The following PKD1 variants were observed in gnomAD, a reference collection of about 807,000 sequenced individuals.
PKD1 encodes polycystin-1.
A neutral mutation model predicts 361.7 loss-of-function variants in PKD1; 81 were observed. That is an observed-to-expected ratio of 0.22 (90% CI 0.19 to 0.27). PKD1 has a LOEUF of 0.27. Among genes scored for constraint, PKD1 ranks in the 10% least tolerant of loss-of-function variants. The probability of loss-of-function intolerance (pLI) is 1.00; values close to 1 mark genes in which losing one functional copy is unlikely to be tolerated. For synonymous variants in PKD1, 3,615 were observed against 2,818.3 expected, an observed-to-expected ratio of 1.28 and a Z score of -8.95; for missense variants, 6,399 against 6,118.3, an observed-to-expected ratio of 1.05 and a Z score of -1.53.
intron 38 of PKD1, 111 bp downstream of exon 38, chr16:2,092,842 GT>G: frequency 1.5e-6 from 2 of 1,350,362 alleles, no homozygotes; most frequent in Non-Finnish European, 1.1e-6. Context: ...CCTACCTCCA[GT>G]TCTAGCAGCC....
Position 2,089,045 on chromosome 16 carries a change from G to A in PKD1, c.*682C>T. The A allele has an allele frequency of 5.1e-6, 1 of 195,304 alleles. No homozygotes were observed. Among genetic ancestry groups the A allele is most frequent in the African/African-American group, 2.3e-5 (1 of 42,790 alleles). The allele number at this position is 195,304 out of a possible 1,614,324, so 12.1% of individuals were successfully genotyped here. On this transcript the variant is annotated 3_prime_UTR_variant, in exon 46 of 46. Transcript: ENST00000262304. Reference sequence around the variant, plus strand: ...CGCTGCTCTCTTGCTACCTGGCCTGGGGCAAGGGAGGATGACAAGGCCTCT... The same window carrying A: ...CGCTGCTCTCTTGCTACCTGGCCTGAGGCAAGGGAGGATGACAAGGCCTCT...
intron 1 of PKD1, chr16:2,123,646 C>T (rs1162156980): frequency 4.8e-6 from 2 of 418,324 alleles, no homozygotes; most frequent in African/African-American, 4.0e-5. Context: ...CGTTCTGGTT[C>T]CCTGCAAGGA....
rs377466280 is a variant in PKD1 at position 2,110,881 on chromosome 16, G to A, written c.4286C>T (p.Pro1429Leu). 3 of 1,611,736 alleles carry A rather than the reference G, an allele frequency of 1.9e-6. No homozygotes were observed. Among genetic ancestry groups the A allele is most frequent in the South Asian group, 2.2e-5 (2 of 91,034 alleles). Residue 1429 changes from proline to leucine, a missense_variant, in exon 15 of 46, where the codon CCT (proline) becomes CTT (leucine). By Grantham distance (98) the Pro-to-Leu change is moderately conservative. Coordinates refer to ENST00000262304, the MANE Select transcript of PKD1 (RefSeq NM_001009944.3). ...GTCTCGGTAGATGAACGTCACCTCA[G>A]GGCCCCTGGCACGGGTGGGGGCGGC... ...EEAAPTRARG[P>L]EVTFIYRDPG...
chr16:2,092,002 T>C (rs1596482338), intron 40 of PKD1, 45 bp downstream of exon 40: 26 of 1,612,380 alleles, frequency 1.6e-5, no homozygotes, highest in Admixed American at 5.0e-5. Flanking sequence ...GGAGAACTAC[T>C]CCCTTGTCCT....
In PKD1 at chr16:2,103,250, C is replaced by A; in HGVS notation, c.8791+16G>T. 6.2e-7 allele frequency: 1 copy of A among 1,609,068 alleles called. No individual in the cohort carries two copies. Among genetic ancestry groups the A allele is most frequent in the African/African-American group, 1.3e-5 (1 of 74,968 alleles). ...CAAGGCCAGGGGGCCGCGTGTGCCC[C>A]ACCCGCTGCACGCACCGTCCAGCAG... On this transcript the variant is annotated intron_variant, in intron 23 of 45. Transcript: ENST00000262304.
chr16:2,101,929 A>G (rs2151747678), intron 26 of PKD1, 132 bp downstream of exon 26: 1 of 681,968 alleles, frequency 1.5e-6, no homozygotes, highest in East Asian at 2.7e-5. Flanking sequence ...CAGGATGAAC[A>G]CACGAGCCCT....
At position 2,117,582 on chromosome 16, in the gene PKD1, T is replaced by C; in HGVS notation, c.1292A>G (p.Gln431Arg). 1 of 1,608,936 alleles carries C rather than the reference T, an allele frequency of 6.2e-7. No individual in the cohort carries two copies. Among genetic ancestry groups the C allele is most frequent in the African/African-American group, 1.3e-5 (1 of 74,934 alleles). The change falls in exon 6 of 46, where the codon CAG (glutamine) becomes CGG (arginine). Residue 431 changes from glutamine to arginine, a missense_variant. By Grantham distance (43) the Gln-to-Arg change is conservative (BLOSUM62 1). Transcript: ENST00000262304. ...CCAGGCCTGACACTGCTCCTGCGCC[T>C]GCAGCCAGGCCGCCTTCTCCACCAC... ...RLVVEKAAWL[Q>R]AQEQCQAWAG...
rs759839267 is a variant in PKD1, at chr16:2,103,756, G to A, written c.8301C>T (p.Arg2767=). The A allele has an allele frequency of 8.7e-6, 14 of 1,609,864 alleles. No individual in the cohort carries two copies. Among genetic ancestry groups the A allele is most frequent in the Admixed American group, 5.0e-5 (3 of 59,968 alleles). Residue 2767 remains arginine (R), a synonymous_variant, in exon 23 of 46, where the codon CGC becomes CGT. Transcript: ENST00000262304. ...GCGTCAGGGGCTCCTCGTTGAGCACGCGGGAGCGCATGAGGATGCGCATGA... is the reference window on the plus strand; with the variant it reads ...GCGTCAGGGGCTCCTCGTTGAGCACACGGGAGCGCATGAGGATGCGCATGA... ...SALMRILMRS[R]VLNEEPLTLA...
At chr16:2,133,101 A>C (rs948644966) in intron 1 of PKD1, 22 of 150,428 alleles carry the variant, frequency 1.5e-4, no homozygotes, top group African/African-American at 4.2e-4. Context: ...AAAAAAAAAA[A>C]AAAACACATG....
rs1005759200 is a variant in PKD1, at chr16:2,116,459, G to A, written c.1722+70C>T. 4.5e-5 allele frequency: 38 copies of A among 850,650 alleles called. No individual in the cohort carries two copies. In the African/African-American group the frequency reaches 4.9e-4, roughly 11 times the overall value. 52.7% of individuals were successfully genotyped at this position (850,650 alleles called of 1,614,324 possible). A position where few individuals can be genotyped will look rare whatever the true frequency, so the allele number is the denominator to read the frequency against. ...CCCAAGTTTTTTGGCGAGACCCACA[G>A]TGGGCAGGGCAGGCAAGGCCTCCAG... is the stretch of plus-strand genomic sequence containing the variant. On this transcript the variant is annotated intron_variant, in intron 8 of 45. Coordinates refer to ENST00000262304, the MANE Select transcript of PKD1 (RefSeq NM_001009944.3).
At position 2,102,652 on chromosome 16, in the gene PKD1, G is replaced by C; in HGVS notation, c.8949-19C>G. 6.2e-7 allele frequency: 1 copy of C among 1,610,772 alleles called. No individual in the cohort carries two copies. Among genetic ancestry groups the C allele is most frequent in the Non-Finnish European group, 8.5e-7 (1 of 1,179,766 alleles). On this transcript the variant is annotated intron_variant, in intron 24 of 45. Coordinates refer to ENST00000262304, the MANE Select transcript of PKD1 (RefSeq NM_001009944.3). ...TCTGCTCCTGGGCAGGGAAGGGGTA[G>C]CGGACGTGAGCCCAGGCTCCGCCAG...
In PKD1 at chr16:2,088,881, G is replaced by GCACGCGCA; in HGVS notation, c.*845_*846insTGCGCGTG. 1 of 420,700 alleles carries GCACGCGCA rather than the reference G, an allele frequency of 2.4e-6. No homozygotes were observed. The highest frequency in any genetic ancestry group is 4.3e-6 in the Non-Finnish European group (1 of 230,698). The allele number at this position is 420,700 out of a possible 1,614,324, so 26.1% of individuals were successfully genotyped here. On this transcript the variant is annotated 3_prime_UTR_variant, in exon 46 of 46. Transcript: ENST00000262304. ...ACAGCACACTCGCGCGTGCGCGCGC[G>GCACGCGCA]CACACACACACACACACAGTCACCT...
At position 2,089,631 on chromosome 16, in the gene PKD1, G is replaced by T; in HGVS notation, c.*96C>A. On this transcript the variant is annotated 3_prime_UTR_variant, in exon 46 of 46. Transcript: ENST00000262304. ...CTGCTCTCTGGGGAACCTACGTGCA[G>T]CCATTCTGCCTGGCCCTCGGCCTTG... is the stretch of plus-strand genomic sequence containing the variant. 1 of 1,436,976 alleles carries T rather than the reference G, an allele frequency of 7.0e-7. No individual in the cohort carries two copies. The highest frequency in any genetic ancestry group is 9.5e-7 in the Non-Finnish European group (1 of 1,052,232). 89.0% of individuals were successfully genotyped at this position (1,436,976 alleles called of 1,614,324 possible). A position where few individuals can be genotyped will look rare whatever the true frequency, so the allele number is the denominator to read the frequency against.
chr16:2,120,882 C>T (rs1205584024), intron 1 of PKD1, among the ~76,000 whole-genome samples: 1 of 151,934 alleles, frequency 6.6e-6, no homozygotes, highest in Non-Finnish European at 1.5e-5. Flanking sequence ...CCGGGCATGG[C>T]GGCGGGAGCC....
rs1385571300 is a variant in PKD1, at chr16:2,106,621, T to A, written c.7266A>T (p.Thr2422=). 5 of 1,598,616 alleles carry A rather than the reference T, an allele frequency of 3.1e-6. No individual in the cohort carries two copies. The South Asian group carries it at 5.5e-5, about 18-fold the overall frequency. The change falls in exon 18 of 46, where the codon ACA becomes ACT. Residue 2422 remains threonine, a synonymous_variant. Transcript: ENST00000262304. This position sits in a 1 kb window ranked among gnomAD's most constrained non-coding sequence, Gnocchi z 6.5. ...GTCGCATGCCTGCACTGCCCGTGGA[T>A]GTGGTGGTCTCATCCAGCACCAGCG... is the stretch of plus-strand genomic sequence containing the variant. The part of the protein sequence containing the change: ...NKTLVLDETT[T]STGSAGMRLV...
Position 2,122,063 on chromosome 16 carries a change from G to A in PKD1, c.216-2685C>T, listed in dbSNP as rs1442249805. On this transcript the variant is annotated intron_variant, in intron 1 of 45. Transcript: ENST00000262304. ...ACACAGGCTGCCCGGTGGGGCCCGG[G>A]GCCAGGGCAAGAGCTTGAGAAGGGA... Among the ~76,000 whole-genome samples, 6 of 152,220 alleles carry A rather than the reference G, an allele frequency of 3.9e-5. No homozygotes were observed. The East Asian group carries it at 5.8e-4, about 15-fold the overall frequency.
At chr16:2,113,630 C>G in intron 11 of PKD1, 1 of 428,344 alleles carries the variant, frequency 2.3e-6, no homozygotes, top group Non-Finnish European at 4.3e-6. Context: ...ACCCAGAGAG[C>G]TCGGAGCAGT....
chr16:2,130,493 G>A (rs140530337), intron 1 of PKD1, among the ~76,000 whole-genome samples: 4,137 of 152,302 alleles, frequency 0.027, 204 homozygotes, highest in African/African-American at 0.094. Flanking sequence ...GGTTGAACGC[G>A]GGCTCCAGTG....
chr16:2,108,498 C>A lies in PKD1; in HGVS notation c.6669G>T (p.Leu2223=). The A allele has an allele frequency of 6.2e-7, 1 of 1,609,342 alleles. No homozygotes were observed. Among genetic ancestry groups the A allele is most frequent in the South Asian group, 1.1e-5 (1 of 90,990 alleles). ...ACACAAAGCAGTAGTGCCCCACAGG[C>A]AGCGCCAGCCGCGGCAGCACCAGCC... The part of the protein sequence containing the change: ...RPRLVLPRLA[L]PVGHYCFVFV... Residue 2223 remains leucine, a synonymous_variant, in exon 15 of 46, where the codon CTG becomes CTT. Coordinates refer to ENST00000262304, the MANE Select transcript of PKD1 (RefSeq NM_001009944.3).
Sources: allele counts gnomAD v4.1 joint callset (sites outside exome capture counted in the v4.1 genomes callset), GRCh38; gene constraint gnomAD v4.1.1; non-coding constraint Gnocchi (gnomAD v3.1); transcripts MANE v1.5; gene names NCBI Gene and HGNC (gene_info 2026-07-23, HGNC 2026-07-21).